CNTNAP5: variants seen among roughly 807,000 people sequenced by gnomAD.
The protein encoded by CNTNAP5 is contactin associated protein family member 5.
In CNTNAP5, 72 loss-of-function variants were observed where a neutral mutation model predicts 150.2. The ratio of observed to expected loss-of-function variants is 0.48; its 90% CI spans 0.40 to 0.58. The LOEUF (loss-of-function observed/expected upper bound fraction) is 0.58, where lower values mean the gene tolerates loss of function less well. CNTNAP5 is among the 20% of genes least tolerant of loss of function. The pLI is 0.00. For synonymous variants in CNTNAP5, 672 were observed against 619.8 expected, an observed-to-expected ratio of 1.08 and a Z score of -1.25; for missense variants, 1,636 against 1,626.2, an observed-to-expected ratio of 1.01 and a Z score of -0.10.
chr2:124,138,849 A>G, intron 1 of CNTNAP5, among the ~76,000 whole-genome samples: 1 of 137,910 alleles, frequency 7.3e-6, no homozygotes, highest in Non-Finnish European at 1.7e-5. Context: ...CACATATCAT[A>G]TATATATATC....
intron 3 of CNTNAP5, among the ~76,000 whole-genome samples, chr2:124,260,274 C>T (rs560449516): frequency 1.4e-4 from 22 of 152,276 alleles, no homozygotes; most frequent in Non-Finnish European, 2.4e-4. Context: ...GGAAAGGATT[C>T]CCTGTTTAAT....
rs762127739 is a variant in CNTNAP5 at position 124,242,355 on chromosome 2, C to T, written c.343C>T (p.Arg115Cys). ...SYSLMFSDTG[R>C]NWKQYKQEDS... is the part of the protein sequence containing the mutation. ...CAGCCTGATGTTCAGTGACACAGGACGCAACTGGAAACAGTACAAACAAGA... is the reference window on the plus strand; with the variant it reads ...CAGCCTGATGTTCAGTGACACAGGATGCAACTGGAAACAGTACAAACAAGA... The change falls in exon 3 of 24, where the codon CGC becomes TGC. Residue 115 changes from arginine (R) to cysteine (C), a missense_variant. Physicochemically the swap from Arg to Cys is radical, Grantham distance 180. Transcript: ENST00000682447. The T allele has an allele frequency of 2.4e-5, 38 of 1,613,146 alleles. No homozygotes were observed. The highest frequency in any genetic ancestry group is 6.7e-5 in the East Asian group (3 of 44,720).
intron 3 of CNTNAP5, among the ~76,000 whole-genome samples, chr2:124,343,694 A>G (rs770712920): frequency 9.2e-5 from 14 of 152,332 alleles, no homozygotes; most frequent in Non-Finnish European, 1.8e-4. Flanking sequence ...ACATGACAGT[A>G]TAAGATACAA....
At chr2:124,485,110 T>C (rs1365936532) in intron 7 of CNTNAP5, among the ~76,000 whole-genome samples, 1 of 7,762 alleles carries the variant, frequency 1.3e-4, no homozygotes, top group African/African-American at 1.8e-4. Flanking sequence ...TATTAGAAAA[T>C]GCAAAAAAAA....
intron 6 of CNTNAP5, among the ~76,000 whole-genome samples, chr2:124,465,046 T>G (rs918305401): frequency 2.0e-5 from 3 of 151,946 alleles, no homozygotes; most frequent in South Asian, 4.2e-4. Context: ...GACTCCAAAT[T>G]TAAACAGGAC....
intron 3 of CNTNAP5, among the ~76,000 whole-genome samples, chr2:124,307,556 C>T (rs1019119719): frequency 3.9e-5 from 6 of 152,206 alleles, no homozygotes; most frequent in Non-Finnish European, 7.3e-5. Context: ...GACCTGAAAT[C>T]TGTGAACTCA....
intron 1 of CNTNAP5, among the ~76,000 whole-genome samples, chr2:124,086,636 A>C (rs1040962863): frequency 1.3e-5 from 2 of 151,380 alleles, no homozygotes; most frequent in Admixed American, 6.6e-5. Context: ...CTTATCTTCT[A>C]AGTTTCCTTT....
At chr2:124,357,339 T>G (rs1163292760) in intron 3 of CNTNAP5, among the ~76,000 whole-genome samples, 1 of 152,232 alleles carries the variant, frequency 6.6e-6, no homozygotes, top group Non-Finnish European at 1.5e-5. Flanking sequence ...TTTTGTCTTT[T>G]GTTGCCATTG....
At chr2:124,412,484 A>T (rs989244223) in intron 3 of CNTNAP5, among the ~76,000 whole-genome samples, 4 of 151,506 alleles carry the variant, frequency 2.6e-5, no homozygotes, top group African/African-American at 2.4e-5. Flanking sequence ...AAACTATACT[A>T]CAAGGCTACA....
chr2:124,043,284 G>A (rs1489739669), intron 1 of CNTNAP5, among the ~76,000 whole-genome samples: 1 of 152,128 alleles, frequency 6.6e-6, no homozygotes, highest in Non-Finnish European at 1.5e-5. Context: ...CCTCCTAAGT[G>A]AAGAGGTGGG....
chr2:124,669,941 G>C (rs1678775631), intron 13 of CNTNAP5, among the ~76,000 whole-genome samples: 1 of 152,028 alleles, frequency 6.6e-6, no homozygotes, highest in Non-Finnish European at 1.5e-5. Context: ...CTCAGTTATA[G>C]AGGGACAAAC....
rs745392267 is a variant in CNTNAP5, at chr2:124,343,786, G to A, written c.382-73657G>A. On this transcript the variant is annotated intron_variant, in intron 3 of 23. Coordinates refer to ENST00000682447, the MANE Select transcript of CNTNAP5 (RefSeq NM_001367498.1). The stretch of plus-strand genomic sequence containing the variant: ...GTTGCTATATCACAAAATATCTAAG[G>A]CTAGATAATTTATAAAGAATAGAGG... 3.7e-4 allele frequency among the ~76,000 whole-genome samples: 56 copies of A among 152,046 alleles called. 1 individual carries two copies. Among genetic ancestry groups the A allele is most frequent in the Non-Finnish European group, 1.6e-4 (11 of 68,018 alleles).
At chr2:124,087,244 T>C (rs1251409862) in intron 1 of CNTNAP5, among the ~76,000 whole-genome samples, 1 of 151,914 alleles carries the variant, frequency 6.6e-6, no homozygotes, top group Non-Finnish European at 1.5e-5. Flanking sequence ...GAAAGCTTAC[T>C]GAATCTACCC....
chr2:124,562,110 A>G (rs775393834), intron 10 of CNTNAP5, among the ~76,000 whole-genome samples: 1 of 152,170 alleles, frequency 6.6e-6, no homozygotes, highest in Non-Finnish European at 1.5e-5. Flanking sequence ...AGTAAAGGGG[A>G]TTTGAACTCA....
chr2:124,546,263 C>T (rs1397942696), intron 10 of CNTNAP5, among the ~76,000 whole-genome samples: 3 of 152,048 alleles, frequency 2.0e-5, no homozygotes, highest in Admixed American at 6.6e-5. Flanking sequence ...CCAGTTCTGC[C>T]TAATGTTAAT....
chr2:124,652,764 G>A (rs1045696748), intron 13 of CNTNAP5, among the ~76,000 whole-genome samples: 54 of 152,194 alleles, frequency 3.5e-4, no homozygotes. Context: ...AAAGTCCCCC[G>A]CCACTGGATT....
intron 11 of CNTNAP5, among the ~76,000 whole-genome samples, chr2:124,601,746 A>G (rs1014280521): frequency 2.0e-5 from 3 of 152,252 alleles, no homozygotes; most frequent in Non-Finnish European, 2.9e-5. Context: ...ATAGCTTAAA[A>G]CGGAAACAAC....
At chr2:124,870,998 T>A (rs1342330245) in intron 21 of CNTNAP5, among the ~76,000 whole-genome samples, 1 of 152,130 alleles carries the variant, frequency 6.6e-6, no homozygotes, top group Non-Finnish European at 1.5e-5. Context: ...TCCATTTTAG[T>A]TCCCCAAATA....
chr2:124,205,306 C>T lies in CNTNAP5; in HGVS notation c.83-16399C>T, dbSNP rs139740969. Among the ~76,000 whole-genome samples the T allele has an allele frequency of 3.8e-3, 578 of 152,264 alleles. 5 individuals are homozygous for T. Among genetic ancestry groups the T allele is most frequent in the African/African-American group, 0.013 (558 of 41,546 alleles). On this transcript the variant is annotated intron_variant, in intron 1 of 23. Transcript: ENST00000682447. ...TTTCCCCTGCTTGCACTTTTCTCTC[C>T]TGCCACCAAGTGAAGAAGGACATGT...
Sources: allele counts gnomAD v4.1 joint callset (sites outside exome capture counted in the v4.1 genomes callset), GRCh38; gene constraint gnomAD v4.1.1; transcripts MANE v1.5; gene names NCBI Gene and HGNC (gene_info 2026-07-23, HGNC 2026-07-21).